The following MAP3K5 variants were observed in gnomAD, a reference collection of about 807,000 sequenced individuals.
MAP3K5 encodes the protein ASK-1.
MAP3K5 carries 56 observed loss-of-function variants against 158.7 expected under a neutral mutation model. That is an observed-to-expected ratio of 0.35 (90% CI 0.28 to 0.44). MAP3K5 has a LOEUF of 0.44. Ranked by LOEUF, MAP3K5 falls within the 20% of genes least tolerant of loss-of-function variation. The probability of loss-of-function intolerance (pLI) is 1.00; values close to 1 mark genes in which losing one functional copy is unlikely to be tolerated. For synonymous variants in MAP3K5, 579 were observed against 601.7 expected (o/e 0.96, Z 0.55); for missense variants, 1,294 against 1,674.8 (o/e 0.77, Z 3.97).
rs1039537826 is a variant in MAP3K5 at position 136,617,870 on chromosome 6, T to C, written c.2151-3584A>G. ...ATCACTTGAACCCAGGAGGCGGAGGTTGCAGTGAGCCGAGATCGCGCCACT... is the reference window on the plus strand; with the variant it reads ...ATCACTTGAACCCAGGAGGCGGAGGCTGCAGTGAGCCGAGATCGCGCCACT... On this transcript the variant is annotated intron_variant, in intron 15 of 29. Coordinates refer to ENST00000359015, the MANE Select transcript of MAP3K5 (RefSeq NM_005923.4). Among the ~76,000 whole-genome samples the C allele has an allele frequency of 2.8e-4, 43 of 151,880 alleles. 1 individual carries two copies. Among genetic ancestry groups the C allele is most frequent in the Admixed American group, 2.3e-3 (35 of 15,246 alleles).
intron 2 of MAP3K5, among the ~76,000 whole-genome samples, chr6:136,717,029 G>T (rs573440670): frequency 1.3e-5 from 2 of 151,510 alleles, no homozygotes; most frequent in African/African-American, 4.9e-5. Flanking sequence ...ATGGTGGCAC[G>T]TGCCTATAAT....
intron 7 of MAP3K5, among the ~76,000 whole-genome samples, chr6:136,675,403 C>T (rs1378157781): frequency 6.6e-6 from 1 of 152,074 alleles, no homozygotes; most frequent in East Asian, 1.9e-4. Context: ...CCGTAAAGTA[C>T]TTCTCAACAA....
At chr6:136,766,298 A>C (rs192221101) in intron 1 of MAP3K5, among the ~76,000 whole-genome samples, 184 of 152,368 alleles carry the variant, frequency 1.2e-3, no homozygotes, top group Middle Eastern at 3.4e-3. Context: ...TAACTCCGTA[A>C]AGAAATGCCT....
chr6:136,775,778 T>C (rs1784381245), intron 1 of MAP3K5, among the ~76,000 whole-genome samples: 1 of 152,218 alleles, frequency 6.6e-6, no homozygotes, highest in Admixed American at 6.5e-5. Context: ...CAGTGCAATT[T>C]TGCTTGAAAA....
At chr6:136,745,653 G>T (rs1414796102) in intron 1 of MAP3K5, among the ~76,000 whole-genome samples, 3 of 152,188 alleles carry the variant, frequency 2.0e-5, no homozygotes, top group Non-Finnish European at 4.4e-5. Context: ...GCCGCTGCCT[G>T]TGCCTCAGTT....
chr6:136,679,244 G>A (rs1255078092), intron 7 of MAP3K5, among the ~76,000 whole-genome samples: 1 of 152,054 alleles, frequency 6.6e-6, no homozygotes, highest in Non-Finnish European at 1.5e-5. Context: ...TTTTGCATCC[G>A]CACTGAGACA....
chr6:136,700,827 G>C (rs1780821271), intron 3 of MAP3K5, among the ~76,000 whole-genome samples: 1 of 152,178 alleles, frequency 6.6e-6, no homozygotes, highest in Non-Finnish European at 1.5e-5. Flanking sequence ...GAAAAAGGCA[G>C]AGGCTGAGAA....
chr6:136,579,760 T>C, intron 25 of MAP3K5: 1 of 454,466 alleles, frequency 2.2e-6, no homozygotes, highest in South Asian at 1.6e-5. Flanking sequence ...CTCTGTATCT[T>C]CCACTCAATT....
intron 25 of MAP3K5, among the ~76,000 whole-genome samples, chr6:136,573,307 C>T (rs1774454304): frequency 6.6e-6 from 1 of 152,220 alleles, no homozygotes; most frequent in Non-Finnish European, 1.5e-5. Context: ...GGTTCTCAGA[C>T]CTTCAATTTC....
At chr6:136,642,904 T>A (rs978160376) in intron 11 of MAP3K5, among the ~76,000 whole-genome samples, 50 of 152,242 alleles carry the variant, frequency 3.3e-4, no homozygotes, top group African/African-American at 1.1e-3. Context: ...AATTCTATTA[T>A]TACAGTTGAG....
intron 12 of MAP3K5, among the ~76,000 whole-genome samples, chr6:136,642,029 TAA>T (rs57510158): frequency 2.0e-5 from 2 of 99,312 alleles, no homozygotes; most frequent in African/African-American, 3.7e-5. Context: ...TAAAATAAAA[TAA>T]AAATAAAATA....
chr6:136,670,766 G>A (rs1214600812), intron 7 of MAP3K5, among the ~76,000 whole-genome samples: 3 of 152,058 alleles, frequency 2.0e-5, no homozygotes, highest in African/African-American at 7.2e-5. Context: ...ATTAGAACAA[G>A]CATCTCTGAA....
chr6:136,645,371 T>C (rs1238335562), intron 11 of MAP3K5, among the ~76,000 whole-genome samples: 1 of 152,194 alleles, frequency 6.6e-6, no homozygotes, highest in African/African-American at 2.4e-5. Context: ...GTTTCCCTCA[T>C]AAATTTCCTG....
chr6:136,594,797 C>T (rs1037890358), intron 21 of MAP3K5, among the ~76,000 whole-genome samples: 5 of 149,746 alleles, frequency 3.3e-5, no homozygotes, highest in East Asian at 4.2e-4. Context: ...CGTGTGTTTC[C>T]GTGTTTGTGT....
intron 11 of MAP3K5, among the ~76,000 whole-genome samples, chr6:136,648,311 G>A (rs1188807406): frequency 6.6e-6 from 1 of 152,176 alleles, no homozygotes; most frequent in Non-Finnish European, 1.5e-5. Flanking sequence ...GGCCTGTTGG[G>A]TGAAGATCCT....
At chr6:136,677,848 G>A (rs367730477) in intron 7 of MAP3K5, among the ~76,000 whole-genome samples, 1 of 152,290 alleles carries the variant, frequency 6.6e-6, no homozygotes, top group African/African-American at 2.4e-5. Context: ...ACATCAAATG[G>A]TAAAAGAATC....
At chr6:136,768,004 A>G (rs1273756307) in intron 1 of MAP3K5, among the ~76,000 whole-genome samples, 1 of 152,222 alleles carries the variant, frequency 6.6e-6, no homozygotes, top group Non-Finnish European at 1.5e-5. Context: ...AGATATCCAC[A>G]TGCAAAAGAA....
chr6:136,776,367 C>T (rs921433032), intron 1 of MAP3K5, among the ~76,000 whole-genome samples: 1 of 152,164 alleles, frequency 6.6e-6, no homozygotes, highest in Non-Finnish European at 1.5e-5. Context: ...ACCTCAGCCT[C>T]CTGAGTAGCT....
chr6:136,729,031 G>GTGT (rs1554305492), intron 1 of MAP3K5, among the ~76,000 whole-genome samples: 1 of 152,142 alleles, frequency 6.6e-6, no homozygotes, highest in Non-Finnish European at 1.5e-5. Context: ...ACTAAGATGG[G>GTGT]TGTTATAATA....
Sources: gnomAD v4.1 joint callset for allele counts (sites outside exome capture counted in the v4.1 genomes callset) on GRCh38, gnomAD v4.1.1 for gene constraint, MANE v1.5 for transcripts, NCBI Gene and HGNC (gene_info 2026-07-23, HGNC 2026-07-21) for gene names.